Variants in C2CD4A observed in about 807,000 individuals in gnomAD.
C2CD4A encodes C2 calcium-dependent domain-containing protein 4A.
In C2CD4A, 2 loss-of-function variants were observed where a neutral mutation model predicts 0.4. The observed-to-expected ratio is 4.45, with a 90% CI of 1.82 to 13.99. The LOEUF is 13.99. Among genes scored for constraint, C2CD4A ranks in the 30% most tolerant of loss-of-function variants. The pLI is 0.04. For synonymous variants in C2CD4A, 297 were observed against 280.8 expected, an observed-to-expected ratio of 1.06 and a Z score of -0.58; for missense variants, 610 against 574.2, an observed-to-expected ratio of 1.06 and a Z score of -0.64.
chr15:62,070,447 C>T lies in C2CD4A; in HGVS notation c.*1724C>T. 1 of 413,422 alleles carries T rather than the reference C, an allele frequency of 2.4e-6. No individual in the cohort carries two copies. The highest frequency in any genetic ancestry group is 4.4e-6 in the Non-Finnish European group (1 of 226,152). The allele number at this position is 413,422 out of a possible 1,614,324, so 25.6% of individuals were successfully genotyped here. ...CTTCTCAAAGTGCTAGGATTATAGG[C>T]GTGAGCCACCATGCCCGACCAGTTT... is the stretch of plus-strand genomic sequence containing the variant. On this transcript the variant is annotated 3_prime_UTR_variant, in exon 2 of 2. Coordinates refer to ENST00000355522, the MANE Select transcript of C2CD4A (RefSeq NM_207322.3).
Position 62,068,045 on chromosome 15 carries a change from C to T in C2CD4A, c.432C>T (p.Leu144=), listed in dbSNP as rs1241462418. Residue 144 remains leucine (L), a synonymous_variant, in exon 2 of 2, where the codon CTC becomes CTT. Coordinates refer to ENST00000355522, the MANE Select transcript of C2CD4A (RefSeq NM_207322.3). The part of the protein sequence containing the change: ...TYGGGGGPDA[L]LGTLRVPRAP... The stretch of plus-strand genomic sequence containing the variant: ...GCGGCGGCGGCGGCCCGGACGCCCT[C>T]CTGGGGACCCTGCGCGTCCCGCGAG... 3.3e-6 allele frequency: 4 copies of T among 1,215,568 alleles called. No homozygotes were observed. Among genetic ancestry groups the T allele is most frequent in the Admixed American group, 4.4e-5 (1 of 22,660 alleles). The allele number at this position is 1,215,568 out of a possible 1,614,324, so 75.3% of individuals were successfully genotyped here. A position where few individuals can be genotyped will look rare whatever the true frequency, so the allele number is the denominator to read the frequency against.
Position 62,068,260 on chromosome 15 carries a change from G to A in C2CD4A, c.647G>A (p.Arg216His). Residue 216 changes from arginine to histidine, a missense_variant, in exon 2 of 2, where the codon CGC becomes CAC. Transcript: ENST00000355522. ...TCCAGCGGGAACGAGGACAAGGAGC[G>A]CCGCGCGGGCTCCCAGTCCCCGGCC... is the stretch of plus-strand genomic sequence containing the variant. ...SVSSGNEDKE[R>H]RAGSQSPARA... 2 of 1,372,272 alleles carry A rather than the reference G, an allele frequency of 1.5e-6. No individual in the cohort carries two copies. The highest frequency in any genetic ancestry group is 1.6e-5 in the South Asian group (1 of 62,272). The allele number at this position is 1,372,272 out of a possible 1,614,324, so 85.0% of individuals were successfully genotyped here.
At position 62,068,358 on chromosome 15, in the gene C2CD4A, G is replaced by T. The variant is rs1217508496; in HGVS notation, c.745G>T (p.Ala249Ser). The T allele has an allele frequency of 7.3e-7, 1 of 1,372,862 alleles. No individual in the cohort carries two copies. Among genetic ancestry groups the T allele is most frequent in the Non-Finnish European group, 9.4e-7 (1 of 1,067,256 alleles). The allele number at this position is 1,372,862 out of a possible 1,614,324, so 85.0% of individuals were successfully genotyped here. The change falls in exon 2 of 2, where the codon GCT becomes TCT. Residue 249 changes from alanine (A) to serine (S), a missense_variant. Coordinates refer to ENST00000355522, the MANE Select transcript of C2CD4A (RefSeq NM_207322.3). ...PERLEAEGTV[A>S]LGRAGDALRL... ...GCGCCTGGAGGCCGAGGGCACCGTG[G>T]CTCTGGGCCGCGCCGGCGACGCCCT...
chr15:62,068,418 C>A lies in C2CD4A; in HGVS notation c.805C>A (p.Arg269=). 7.1e-7 allele frequency: 1 copy of A among 1,399,350 alleles called. No individual in the cohort carries two copies. The highest frequency in any genetic ancestry group is 3.0e-5 in the East Asian group (1 of 32,828). 86.7% of individuals were successfully genotyped at this position (1,399,350 alleles called of 1,614,324 possible). A position where few individuals can be genotyped will look rare whatever the true frequency, so the allele number is the denominator to read the frequency against. The change falls in exon 2 of 2, where the codon CGG becomes AGG. Residue 269 remains arginine, a synonymous_variant. Transcript: ENST00000355522. Reference sequence around the variant, plus strand: ...CGCCGAGTACTGTCCGGGAACCGGGCGGCTCCGCCTCCGGCTGCTCCGCGC... The same window carrying A: ...CGCCGAGTACTGTCCGGGAACCGGGAGGCTCCGCCTCCGGCTGCTCCGCGC... The part of the protein sequence containing the change: ...LAAEYCPGTG[R]LRLRLLRAES...
Position 62,068,620 on chromosome 15 carries a change from G to A in C2CD4A, c.1007G>A (p.Arg336His). 1 of 1,559,670 alleles carries A rather than the reference G, an allele frequency of 6.4e-7. No homozygotes were observed. Among genetic ancestry groups the A allele is most frequent in the Non-Finnish European group, 8.7e-7 (1 of 1,152,062 alleles). Residue 336 changes from arginine to histidine, a missense_variant, in exon 2 of 2, where the codon CGC (arginine) becomes CAC (histidine). Arg to His is a conservative substitution (Grantham distance 29, BLOSUM62 0). Coordinates refer to ENST00000355522, the MANE Select transcript of C2CD4A (RefSeq NM_207322.3). ...FDGLSEDEVR[R>H]LAVRVKARDE... ...GGCCTCTCGGAGGACGAAGTGCGCCGCCTGGCCGTTCGAGTCAAGGCCCGG... is the reference window on the plus strand; with the variant it reads ...GGCCTCTCGGAGGACGAAGTGCGCCACCTGGCCGTTCGAGTCAAGGCCCGG...
Position 62,068,537 on chromosome 15 carries a change from C to G in C2CD4A, c.924C>G (p.Cys308Trp). 1 of 1,557,980 alleles carries G rather than the reference C, an allele frequency of 6.4e-7. No individual in the cohort carries two copies. Among genetic ancestry groups the G allele is most frequent in the Non-Finnish European group, 8.7e-7 (1 of 1,152,418 alleles). Residue 308 changes from cysteine to tryptophan, a missense_variant, in exon 2 of 2, where the codon TGC (cysteine) becomes TGG (tryptophan). Coordinates refer to ENST00000355522, the MANE Select transcript of C2CD4A (RefSeq NM_207322.3). ...LRPPGTALRQ[C>W]STVVGRSRKA... is the part of the protein sequence containing the mutation. ...CGCCGGGCACCGCGCTTCGGCAATG[C>G]AGCACTGTGGTGGGGCGCAGCCGCA... is the stretch of plus-strand genomic sequence containing the variant.
Position 62,067,657 on chromosome 15 carries a change from G to C in C2CD4A, c.44G>C (p.Arg15Pro). The change falls in exon 2 of 2, where the codon CGG becomes CCG. Residue 15 changes from arginine (R) to proline (P), a missense_variant. Physicochemically the swap from Arg to Pro is moderately radical, Grantham distance 103. Coordinates refer to ENST00000355522, the MANE Select transcript of C2CD4A (RefSeq NM_207322.3). ...CTCCGCTTGGGTCCTGAGTGCCTTC[G>C]GCGGAGCGGAGACTGGCTTCTCCCG... ...ERLRLGPECL[R>P]RSGDWLLPGR... The C allele has an allele frequency of 1.9e-6, 3 of 1,605,684 alleles. No homozygotes were observed. Among genetic ancestry groups the C allele is most frequent in the Non-Finnish European group, 1.7e-6 (2 of 1,179,272 alleles).
chr15:62,068,080 C>T lies in C2CD4A; in HGVS notation c.467C>T (p.Pro156Leu), dbSNP rs2049057641. ...GTLRVPRAPG[P>L]ATPAAPGCPR... is the part of the protein sequence containing the mutation. ...CTGCGCGTCCCGCGAGCTCCGGGCC[C>T]GGCGACCCCCGCGGCCCCCGGCTGT... Residue 156 changes from proline to leucine, a missense_variant, in exon 2 of 2, where the codon CCG becomes CTG. By Grantham distance (98) the Pro-to-Leu change is moderately conservative. Transcript: ENST00000355522. 6.2e-6 allele frequency: 7 copies of T among 1,128,488 alleles called. No homozygotes were observed. The highest frequency in any genetic ancestry group is 7.6e-6 in the Non-Finnish European group (7 of 924,636). 69.9% of individuals were successfully genotyped at this position (1,128,488 alleles called of 1,614,324 possible). A position where few individuals can be genotyped will look rare whatever the true frequency, so the allele number is the denominator to read the frequency against.
rs768762685 is a variant in C2CD4A, at chr15:62,068,501, C to T, written c.888C>T (p.Leu296=). 1.1e-5 allele frequency: 16 copies of T among 1,510,542 alleles called. No individual in the cohort carries two copies. Among genetic ancestry groups the T allele is most frequent in the African/African-American group, 1.4e-5 (1 of 69,132 alleles). 93.6% of individuals were successfully genotyped at this position (1,510,542 alleles called of 1,614,324 possible). Residue 296 remains leucine, a synonymous_variant, in exon 2 of 2, where the codon CTC becomes CTT. Coordinates refer to ENST00000355522, the MANE Select transcript of C2CD4A (RefSeq NM_207322.3). Reference sequence around the variant, plus strand: ...GAGCCGTCAGCTGTCGCCTCAGCCTCGTCCTGCGGCCGCCGGGCACCGCGC... The same window carrying T: ...GAGCCGTCAGCTGTCGCCTCAGCCTTGTCCTGCGGCCGCCGGGCACCGCGC... ...GPRAVSCRLS[L]VLRPPGTALR...
In C2CD4A at chr15:62,068,445, G is replaced by A. The variant is rs912582952; in HGVS notation, c.832G>A (p.Glu278Lys). ...GRLRLRLLRA[E>K]SPAGGAPGPR... ...GCTCCGCCTCCGGCTGCTCCGCGCC[G>A]AGAGCCCGGCCGGAGGCGCCCCCGG... Residue 278 changes from glutamate (E) to lysine (K), a missense_variant, in exon 2 of 2, where the codon GAG becomes AAG. Transcript: ENST00000355522. 5.6e-6 allele frequency: 8 copies of A among 1,417,044 alleles called. No homozygotes were observed. The highest frequency in any genetic ancestry group is 7.3e-6 in the Non-Finnish European group (8 of 1,095,104). The allele number at this position is 1,417,044 out of a possible 1,614,324, so 87.8% of individuals were successfully genotyped here. A position where few individuals can be genotyped will look rare whatever the true frequency, so the allele number is the denominator to read the frequency against.
Position 62,068,450 on chromosome 15 carries a change from C to A in C2CD4A, c.837C>A (p.Ser279Arg). ...RLRLRLLRAE[S>R]PAGGAPGPRA... ...GCCTCCGGCTGCTCCGCGCCGAGAG[C>A]CCGGCCGGAGGCGCCCCCGGGCCCC... Residue 279 changes from serine (S) to arginine (R), a missense_variant, in exon 2 of 2, where the codon AGC becomes AGA. By Grantham distance (110) the Ser-to-Arg change is moderately radical. Transcript: ENST00000355522. 7.0e-7 allele frequency: 1 copy of A among 1,420,218 alleles called. No individual in the cohort carries two copies. Among genetic ancestry groups the A allele is most frequent in the Admixed American group, 3.2e-5 (1 of 31,610 alleles). The allele number at this position is 1,420,218 out of a possible 1,614,324, so 88.0% of individuals were successfully genotyped here.
At position 62,067,721 on chromosome 15, in the gene C2CD4A, G is replaced by C. The variant is rs1262368483; in HGVS notation, c.108G>C (p.Ala36=). Residue 36 remains alanine (A), a synonymous_variant, in exon 2 of 2, where the codon GCG becomes GCC. Transcript: ENST00000355522. ...GAGCCAAGTCTCGCACCACCGCCGC[G>C]TGCGCAAATGTGCTCACTCCGGACC... ...ARGAKSRTTA[A]CANVLTPDRI... is the part of the protein sequence containing the mutation. The C allele has an allele frequency of 1.9e-6, 3 of 1,611,520 alleles. No homozygotes were observed. Among genetic ancestry groups the C allele is most frequent in the Non-Finnish European group, 2.5e-6 (3 of 1,179,946 alleles).
rs1488098761 is a variant in C2CD4A, at chr15:62,068,758, G to T, written c.*35G>T. The T allele has an allele frequency of 1.4e-6, 2 of 1,434,458 alleles. No homozygotes were observed. Among genetic ancestry groups the T allele is most frequent in the South Asian group, 1.5e-5 (1 of 66,362 alleles). 88.9% of individuals were successfully genotyped at this position (1,434,458 alleles called of 1,614,324 possible). A position where few individuals can be genotyped will look rare whatever the true frequency, so the allele number is the denominator to read the frequency against. ...CCTCCCCGGGGCGCTCTGCCCGGGG[G>T]ACTCCGGACACTGACAGCCGCGTGG... is the stretch of plus-strand genomic sequence containing the variant. On this transcript the variant is annotated 3_prime_UTR_variant, in exon 2 of 2. Transcript: ENST00000355522.
chr15:62,068,223 G>T lies in C2CD4A; in HGVS notation c.610G>T (p.Val204Phe). Reference protein sequence around the residue: ...RAGRSRRLTRVRSVSSGNEDK... With the variant: ...RAGRSRRLTRFRSVSSGNEDK... ...TGGGAGGAGTCGCCGCCTGACCCGCGTCCGCTCCGTCTCCAGCGGGAACGA... is the reference window on the plus strand; with the variant it reads ...TGGGAGGAGTCGCCGCCTGACCCGCTTCCGCTCCGTCTCCAGCGGGAACGA... Residue 204 changes from valine (V) to phenylalanine (F), a missense_variant, in exon 2 of 2, where the codon GTC becomes TTC. Transcript: ENST00000355522. 2 of 1,372,158 alleles carry T rather than the reference G, an allele frequency of 1.5e-6. No homozygotes were observed. Among genetic ancestry groups the T allele is most frequent in the South Asian group, 1.6e-5 (1 of 62,238 alleles). The allele number at this position is 1,372,158 out of a possible 1,614,324, so 85.0% of individuals were successfully genotyped here.
rs1464228867 is a variant in C2CD4A, at chr15:62,070,587, G to A, written c.*1864G>A. On this transcript the variant is annotated 3_prime_UTR_variant, in exon 2 of 2. Coordinates refer to ENST00000355522, the MANE Select transcript of C2CD4A (RefSeq NM_207322.3). ...CAAAATTCGAAGAAAAAAGAAAAGA[G>A]TTTCTGTTTCAGTCACAAATTAGGG... is the stretch of plus-strand genomic sequence containing the variant. 3.9e-5 allele frequency: 16 copies of A among 413,254 alleles called. No homozygotes were observed. Among genetic ancestry groups the A allele is most frequent in the South Asian group, 1.3e-4 (1 of 7,866 alleles). 25.6% of individuals were successfully genotyped at this position (413,254 alleles called of 1,614,324 possible).
In C2CD4A at chr15:62,067,993, CGCCCCG is replaced by C. The variant is rs1381406485; in HGVS notation, c.388_393del (p.Pro130_Arg131del). Reference sequence around the variant, plus strand: ...TCGCTCCTGCTCGGGGGCCCGCCCGCGCCCCGGCCCCGGGCCCACACCTACGGCGGC... The same window carrying C: ...TCGCTCCTGCTCGGGGGCCCGCCCGCGCCCCGGGCCCACACCTACGGCGGC... On this transcript the variant is annotated inframe_deletion, in exon 2 of 2. Coordinates refer to ENST00000355522, the MANE Select transcript of C2CD4A (RefSeq NM_207322.3). The C allele has an allele frequency of 1.0e-5, 14 of 1,382,344 alleles. No individual in the cohort carries two copies. The highest frequency in any genetic ancestry group is 7.3e-5 in the Admixed American group (2 of 27,236). The allele number at this position is 1,382,344 out of a possible 1,614,324, so 85.6% of individuals were successfully genotyped here. A position where few individuals can be genotyped will look rare whatever the true frequency, so the allele number is the denominator to read the frequency against.
At position 62,068,283 on chromosome 15, in the gene C2CD4A, G is replaced by T. The variant is rs1236585864; in HGVS notation, c.670G>T (p.Ala224Ser). 3 of 1,402,706 alleles carry T rather than the reference G, an allele frequency of 2.1e-6. No individual in the cohort carries two copies. The highest frequency in any genetic ancestry group is 1.5e-5 in the African/African-American group (1 of 66,768). 86.9% of individuals were successfully genotyped at this position (1,402,706 alleles called of 1,614,324 possible). A position where few individuals can be genotyped will look rare whatever the true frequency, so the allele number is the denominator to read the frequency against. Reference sequence around the variant, plus strand: ...GCGCCGCGCGGGCTCCCAGTCCCCGGCCCGGGCCCCCTCCACGAGCCCGCC... The same window carrying T: ...GCGCCGCGCGGGCTCCCAGTCCCCGTCCCGGGCCCCCTCCACGAGCCCGCC... ...KERRAGSQSP[A>S]RAPSTSPPSS... The change falls in exon 2 of 2, where the codon GCC becomes TCC. Residue 224 changes from alanine (A) to serine (S), a missense_variant. By Grantham distance (99) the Ala-to-Ser change is moderately conservative (BLOSUM62 1). Transcript: ENST00000355522.
Position 62,070,671 on chromosome 15 carries a change from T to C in C2CD4A, c.*1948T>C, listed in dbSNP as rs2049077608. The C allele has an allele frequency of 7.3e-6, 3 of 408,188 alleles. No individual in the cohort carries two copies. The highest frequency in any genetic ancestry group is 1.3e-5 in the Non-Finnish European group (3 of 223,310). 25.3% of individuals were successfully genotyped at this position (408,188 alleles called of 1,614,324 possible). ...CAAATGTGAAGAATACTGTGAATTCTATGACTTTATCAAAATCAGCCACAT... is the reference window on the plus strand; with the variant it reads ...CAAATGTGAAGAATACTGTGAATTCCATGACTTTATCAAAATCAGCCACAT... On this transcript the variant is annotated 3_prime_UTR_variant, in exon 2 of 2. Transcript: ENST00000355522.
Position 62,067,653 on chromosome 15 carries a change from CT to C in C2CD4A, c.42del (p.Arg15GlyfsTer175). 6.2e-7 allele frequency: 1 copy of C among 1,605,344 alleles called. No homozygotes were observed. On this transcript the variant is annotated frameshift_variant, in exon 2 of 2. Transcript: ENST00000355522. ...GCGACTCCGCTTGGGTCCTGAGTGCCTTCGGCGGAGCGGAGACTGGCTTCTC... is the reference window on the plus strand; with the variant it reads ...GCGACTCCGCTTGGGTCCTGAGTGCCTCGGCGGAGCGGAGACTGGCTTCTC... ...LERLRLGPEC[L>X]RRSGDWLLPG...
Sources: gnomAD v4.1 joint callset for allele counts on GRCh38, gnomAD v4.1.1 for gene constraint, MANE v1.5 for transcripts, NCBI Gene and HGNC (gene_info 2026-07-23, HGNC 2026-07-21) for gene names.